Variants in PIK3C3 observed in about 807,000 individuals in gnomAD.
The protein encoded by PIK3C3 is PI3-kinase type 3.
In PIK3C3, 95 loss-of-function variants were observed where a neutral mutation model predicts 126.1. That is an observed-to-expected ratio of 0.75 (90% CI 0.64 to 0.89). The LOEUF (loss-of-function observed/expected upper bound fraction) is 0.89, where lower values mean the gene tolerates loss of function less well. Ranked by LOEUF, PIK3C3 falls within the 40% of genes least tolerant of loss-of-function variation. The pLI, the probability that PIK3C3 is intolerant of heterozygous loss-of-function variation, is 0.00. For missense variants in PIK3C3, 829 were observed against 1,063.2 expected, an observed-to-expected ratio of 0.78 and a Z score of 3.06; for synonymous variants, 374 against 360.0, an observed-to-expected ratio of 1.04 and a Z score of -0.44.
intron 24 of PIK3C3, among the ~76,000 whole-genome samples, chr18:42,076,729 A>G (rs2144536711): frequency 6.6e-6 from 1 of 152,328 alleles, no homozygotes; most frequent in African/African-American, 2.4e-5. Context: ...CTTGCAGTTT[A>G]TTTCTCATTC....
At chr18:42,009,011 C>T (rs1381475937) in intron 10 of PIK3C3, among the ~76,000 whole-genome samples, 2 of 151,926 alleles carry the variant, frequency 1.3e-5, no homozygotes, top group African/African-American at 4.8e-5. Flanking sequence ...AGCAGCACTC[C>T]GAATGAAGGC....
rs113923091 is a variant in PIK3C3, at chr18:42,015,205, TAAAC to T, written c.1326-245_1326-242del. On this transcript the variant is annotated intron_variant, in intron 11 of 24. Transcript: ENST00000262039. ...ATGCTAGTTTAAAGCTAAATGGGCTTAAACAAACAAACAAACAAACAAACAAACA... is the reference window on the plus strand; with the variant it reads ...ATGCTAGTTTAAAGCTAAATGGGCTTAAACAAACAAACAAACAAACAAACA... 7.2e-3 allele frequency among the ~76,000 whole-genome samples: 1,100 copies of T among 151,810 alleles called. 5 individuals carry two copies. The highest frequency in any genetic ancestry group is 0.012 in the South Asian group (59 of 4,816).
At chr18:42,006,847 TA>T (rs1289445433) in intron 10 of PIK3C3, among the ~76,000 whole-genome samples, 1 of 150,068 alleles carries the variant, frequency 6.7e-6, no homozygotes, top group African/African-American at 2.4e-5. Context: ...GGGTATGTTT[TA>T]AAAATCATAT....
intron 10 of PIK3C3, among the ~76,000 whole-genome samples, chr18:42,007,668 AC>A (rs1288846564): frequency 6.6e-6 from 1 of 152,162 alleles, no homozygotes; most frequent in Non-Finnish European, 1.5e-5. Flanking sequence ...TAAAAGGAAA[AC>A]TGTTTCTGTT....
intron 12 of PIK3C3, among the ~76,000 whole-genome samples, chr18:42,020,032 G>A (rs1391242457): frequency 1.3e-5 from 2 of 151,922 alleles, no homozygotes; most frequent in African/African-American, 2.4e-5. Context: ...TACCGTAATA[G>A]CATCTTAACT....
chr18:41,982,998 G>C (rs548762296), intron 4 of PIK3C3, among the ~76,000 whole-genome samples: 3 of 151,856 alleles, frequency 2.0e-5, no homozygotes, highest in Admixed American at 1.3e-4. Flanking sequence ...TGAAATTCTT[G>C]GTTCATTTTC....
At position 42,020,641 on chromosome 18, in the gene PIK3C3, G is replaced by T; in HGVS notation, c.1420G>T (p.Asp474Tyr). 1 of 1,592,998 alleles carries T rather than the reference G, an allele frequency of 6.3e-7. No individual in the cohort carries two copies. The highest frequency in any genetic ancestry group is 1.1e-5 in the South Asian group (1 of 88,906). Residue 474 changes from aspartate to tyrosine, a missense_variant, in exon 13 of 25, where the codon GAT (aspartate) becomes TAT (tyrosine). By Grantham distance (160) the Asp-to-Tyr change is radical (BLOSUM62 -3). This residue lies in a region of PIK3C3 where 256 missense variants were observed against 291.0 expected (regional missense o/e 0.88). Coordinates refer to ENST00000262039, the MANE Select transcript of PIK3C3 (RefSeq NM_002647.4). The stretch of plus-strand genomic sequence containing the variant: ...ACATTTCTTTTAATTCTTTCAGCAA[G>T]ATCTCTGTACCTTCTTGATATCGAG... ...EVPDGENLEQ[D>Y]LCTFLISRAC...
intron 4 of PIK3C3, among the ~76,000 whole-genome samples, chr18:41,983,582 T>A (rs780240354): frequency 4.6e-5 from 7 of 152,202 alleles, no homozygotes; most frequent in Admixed American, 2.6e-4. Flanking sequence ...AGAAGCTCAT[T>A]TGTCTAGTAA....
chr18:42,053,696 T>C (rs946993324), intron 21 of PIK3C3, among the ~76,000 whole-genome samples: 17 of 152,160 alleles, frequency 1.1e-4, no homozygotes, highest in African/African-American at 3.9e-4. Flanking sequence ...GGTTTGAGTT[T>C]ATCCCAGCTC....
Position 42,007,104 on chromosome 18 carries a change from G to A in PIK3C3, c.1170+2563G>A, listed in dbSNP as rs955775307. Among the ~76,000 whole-genome samples the A allele has an allele frequency of 2.6e-5, 4 of 152,180 alleles. No homozygotes were observed. The East Asian group carries it at 5.8e-4, about 22-fold the overall frequency. ...AGGATGGTCTTGATCTCCTGACATC[G>A]TGATCCGCCCCCATCGGCCTCCCGA... On this transcript the variant is annotated intron_variant, in intron 10 of 24. Transcript: ENST00000262039.
At chr18:42,038,352 T>TC (rs1984152217) in intron 17 of PIK3C3, among the ~76,000 whole-genome samples, 3 of 152,070 alleles carry the variant, frequency 2.0e-5, no homozygotes, top group Admixed American at 1.3e-4. Flanking sequence ...ATTAACTATT[T>TC]TTTTTTTTGA....
chr18:41,970,093 A>G (rs1275635919), intron 3 of PIK3C3, among the ~76,000 whole-genome samples: 3 of 151,964 alleles, frequency 2.0e-5, no homozygotes, highest in Admixed American at 6.6e-5. Flanking sequence ...TCTGTGTAGA[A>G]TTCTCTGTCA....
intron 20 of PIK3C3, among the ~76,000 whole-genome samples, chr18:42,048,686 G>A (rs1457157668): frequency 6.6e-6 from 1 of 152,124 alleles, no homozygotes; most frequent in African/African-American, 2.4e-5. Context: ...ATGGCCTTCA[G>A]AACCTAAGTC....
chr18:41,970,180 TGC>T (rs1412133846), intron 3 of PIK3C3, 145 bp from the exon 4 acceptor site: 3 of 662,516 alleles, frequency 4.5e-6, no homozygotes, highest in Non-Finnish European at 7.7e-6. Flanking sequence ...CTTGGTTAAT[TGC>T]TTTACATTCC....
intron 3 of PIK3C3, among the ~76,000 whole-genome samples, chr18:41,966,177 C>CCTTTTT (rs1555671402): frequency 8.9e-6 from 1 of 112,574 alleles, no homozygotes; most frequent in African/African-American, 3.7e-5. Context: ...TATATTGTTC[C>CCTTTTT]TTTTTTTTTT....
At chr18:42,008,304 T>A (rs1982645829) in intron 10 of PIK3C3, among the ~76,000 whole-genome samples, 1 of 152,072 alleles carries the variant, frequency 6.6e-6, no homozygotes, top group Non-Finnish European at 1.5e-5. Context: ...GGCATTTGAG[T>A]TGAAGGAAAT....
chr18:42,040,574 T>C (rs1427509927), intron 18 of PIK3C3, 103 bp from the exon 19 acceptor site: 1 of 754,520 alleles, frequency 1.3e-6, no homozygotes, highest in Admixed American at 2.4e-5. Context: ...TGTTCAGATA[T>C]GGAATGCATT....
At chr18:42,031,569 C>T (rs543510956) in intron 15 of PIK3C3, among the ~76,000 whole-genome samples, 13 of 152,176 alleles carry the variant, frequency 8.5e-5, no homozygotes, top group Admixed American at 3.3e-4. Flanking sequence ...GGACTGCAGG[C>T]GTGCACCACC....
chr18:42,066,716 G>C (rs374127566), intron 23 of PIK3C3, among the ~76,000 whole-genome samples: 1 of 151,978 alleles, frequency 6.6e-6, no homozygotes, highest in Non-Finnish European at 1.5e-5. Context: ...TAAAATATAC[G>C]CACATAAATA....
Sources: gnomAD v4.1 joint callset for allele counts (sites outside exome capture counted in the v4.1 genomes callset) on GRCh38, gnomAD v4.1.1 for gene constraint, gnomAD v4.1.1 regional missense constraint, MANE v1.5 for transcripts, NCBI Gene and HGNC (gene_info 2026-07-23, HGNC 2026-07-21) for gene names.